Variants in TMEM232 observed in about 807,000 individuals in gnomAD.
The protein encoded by TMEM232 is transmembrane protein 232.
A neutral mutation model predicts 78.8 loss-of-function variants in TMEM232; 80 were observed. The observed-to-expected ratio is 1.01, with a 90% CI of 0.85 to 1.22. The LOEUF (loss-of-function observed/expected upper bound fraction) is 1.22. TMEM232 is among the 50% of genes most tolerant of loss of function. TMEM232 has a pLI of 0.00. For synonymous variants in TMEM232, 297 were observed against 254.3 expected, an observed-to-expected ratio of 1.17 and a Z score of -1.60; for missense variants, 881 against 742.2, an observed-to-expected ratio of 1.19 and a Z score of -2.17.
chr5:110,658,644 T>C (rs1331474321), intron 2 of TMEM232, among the ~76,000 whole-genome samples: 1 of 152,134 alleles, frequency 6.6e-6, no homozygotes, highest in African/African-American at 2.4e-5. Flanking sequence ...CTTTTCAAGG[T>C]TGTCTGTAAG....
At chr5:110,406,120 T>G (rs1755780241) in intron 2 of TMEM232, among the ~76,000 whole-genome samples, 1 of 151,970 alleles carries the variant, frequency 6.6e-6, no homozygotes, top group South Asian at 2.1e-4. Flanking sequence ...GAATGGCTGA[T>G]TCATCTAAAT....
chr5:110,687,563 T>C (rs959789658), intron 1 of TMEM232, among the ~76,000 whole-genome samples: 2 of 152,136 alleles, frequency 1.3e-5, no homozygotes, highest in African/African-American at 4.8e-5. Context: ...TCCAAACTCA[T>C]AGGGACTATC....
intron 10 of TMEM232, among the ~76,000 whole-genome samples, chr5:110,580,911 A>G (rs895318638): frequency 6.6e-6 from 1 of 151,818 alleles, no homozygotes; most frequent in Non-Finnish European, 1.5e-5. Flanking sequence ...AATCCCATTT[A>G]CAATAGCCAC....
At chr5:110,680,760 C>G (rs114437150) in intron 1 of TMEM232, among the ~76,000 whole-genome samples, 2 of 151,766 alleles carry the variant, frequency 1.3e-5, no homozygotes, top group African/African-American at 4.8e-5. Context: ...AATAACTGCA[C>G]TGACATTAAC....
chr5:110,476,391 TC>T (rs1443055379), intron 12 of TMEM232, among the ~76,000 whole-genome samples: 1 of 151,880 alleles, frequency 6.6e-6, no homozygotes, highest in Non-Finnish European at 1.5e-5. Context: ...ATTTTACAAG[TC>T]AAAGAAAAGG....
At chr5:110,681,553 C>A (rs1792749945) in intron 1 of TMEM232, among the ~76,000 whole-genome samples, 1 of 152,068 alleles carries the variant, frequency 6.6e-6, no homozygotes, top group Non-Finnish European at 1.5e-5. Flanking sequence ...TAGTTGAATG[C>A]GTGAGAGAGA....
intron 11 of TMEM232, among the ~76,000 whole-genome samples, chr5:110,550,541 T>A (rs1053090909): frequency 2.0e-4 from 31 of 151,934 alleles, no homozygotes; most frequent in African/African-American, 6.5e-4. Context: ...GGTAAAAAAT[T>A]AACACACAAA....
chr5:110,687,552 A>C (rs117285305), intron 1 of TMEM232, among the ~76,000 whole-genome samples: 3,683 of 152,264 alleles, frequency 0.024, 46 homozygotes, highest in African/African-American at 0.032. Context: ...ATAAAATAAA[A>C]TCCAAACTCA....
rs139483580 is a variant in TMEM232 at position 110,529,582 on chromosome 5, G to A, written c.1456-747C>T. On this transcript the variant is annotated intron_variant, in intron 11 of 13. Coordinates refer to ENST00000455884, the MANE Select transcript of TMEM232 (RefSeq NM_001039763.4). The stretch of plus-strand genomic sequence containing the variant: ...TTTTTATAGAGCAAAAATTTTAAGT[G>A]AAAAGCAAATAAGAGCTTTGTATTT... 3.3e-5 allele frequency among the ~76,000 whole-genome samples: 5 copies of A among 152,148 alleles called. No homozygotes were observed. The East Asian group carries it at 9.6e-4, about 29-fold the overall frequency.
rs142273896 is a variant in TMEM232, at chr5:110,537,679, T to C, written c.1456-8844A>G. On this transcript the variant is annotated intron_variant, in intron 11 of 13. Transcript: ENST00000455884. ...TCCCCCTCACACTCAAAGGAGAACA[T>C]CGTATTAACTCTCCCTGCAGCCCTG... 1.6e-3 allele frequency among the ~76,000 whole-genome samples: 250 copies of C among 152,270 alleles called. 5 individuals are homozygous for C. In the East Asian group the frequency reaches 0.035, roughly 21 times the overall value.
intron 10 of TMEM232, among the ~76,000 whole-genome samples, chr5:110,576,750 T>G (rs1424578143): frequency 6.6e-6 from 1 of 152,122 alleles, no homozygotes; most frequent in Admixed American, 6.6e-5. Flanking sequence ...AATTATCTTA[T>G]CTTCAGTAAA....
At chr5:110,655,945 T>C (rs1434814628) in intron 2 of TMEM232, among the ~76,000 whole-genome samples, 1 of 146,174 alleles carries the variant, frequency 6.8e-6, no homozygotes, top group Admixed American at 6.8e-5. Flanking sequence ...TTAGGAGATA[T>C]ACCTAATGCT....
Position 110,525,965 on chromosome 5 carries a change from G to A in TMEM232, c.1703+2623C>T, listed in dbSNP as rs552984561. On this transcript the variant is annotated intron_variant, in intron 12 of 13. Coordinates refer to ENST00000455884, the MANE Select transcript of TMEM232 (RefSeq NM_001039763.4). ...AAATTGTTAAGGGAAGATGGATGACGCAATAAATATTTTTGAGACAAGTGA... is the reference window on the plus strand; with the variant it reads ...AAATTGTTAAGGGAAGATGGATGACACAATAAATATTTTTGAGACAAGTGA... Among the ~76,000 whole-genome samples, 22 of 129,348 alleles carry A rather than the reference G, an allele frequency of 1.7e-4. No individual in the cohort carries two copies. In the South Asian group the frequency reaches 3.2e-3, roughly 19 times the overall value. 84.9% of individuals were successfully genotyped at this position (129,348 alleles called of 152,430 possible).
rs568529936 is a variant in TMEM232, at chr5:110,617,377, T to TA, written c.902+1051dup. Among the ~76,000 whole-genome samples, 81 of 151,016 alleles carry TA rather than the reference T, an allele frequency of 5.4e-4. 1 individual carries two copies. The South Asian group carries it at 0.014, about 26-fold the overall frequency. ...CTATTGTGCAGCATTGTGACTATGG[T>TA]AAAAAAAATATATTTTGAAATTGCT... On this transcript the variant is annotated intron_variant, in intron 8 of 13. Coordinates refer to ENST00000455884, the MANE Select transcript of TMEM232 (RefSeq NM_001039763.4).
Position 110,610,233 on chromosome 5 carries a change from A to AG in TMEM232, c.903-3947dup, listed in dbSNP as rs1443317909. ...AAGGAAGGAAGGGAGGGAGGGAAAA[A>AG]GAAAGGAAGGAAGGGAGGAAGGGAG... is the stretch of plus-strand genomic sequence containing the variant. On this transcript the variant is annotated intron_variant, in intron 8 of 13. Coordinates refer to ENST00000455884, the MANE Select transcript of TMEM232 (RefSeq NM_001039763.4). 1.7e-3 allele frequency among the ~76,000 whole-genome samples: 42 copies of AG among 24,100 alleles called. 2 individuals are homozygous for AG. The highest frequency in any genetic ancestry group is 3.5e-3 in the African/African-American group (39 of 11,126). The allele number at this position is 24,100 out of a possible 152,430, so 15.8% of individuals were successfully genotyped here.
intron 10 of TMEM232, among the ~76,000 whole-genome samples, chr5:110,599,369 G>C (rs912614934): frequency 1.3e-5 from 2 of 152,076 alleles, no homozygotes; most frequent in Non-Finnish European, 2.9e-5. Flanking sequence ...AAAAGACACC[G>C]ACTAGAAAAC....
At chr5:110,668,625 G>C (rs1790924562) in intron 1 of TMEM232, among the ~76,000 whole-genome samples, 1 of 152,098 alleles carries the variant, frequency 6.6e-6, no homozygotes, top group African/African-American at 2.4e-5. Flanking sequence ...GCACCAAGCA[G>C]ACCTAATAGA....
At chr5:110,708,390 CAT>C (rs1280879700) in intron 1 of TMEM232, among the ~76,000 whole-genome samples, 1 of 152,134 alleles carries the variant, frequency 6.6e-6, no homozygotes, top group African/African-American at 2.4e-5. Flanking sequence ...AATAAGAAAT[CAT>C]GTGAAGGCAC....
chr5:110,611,184 G>A (rs1379078242), intron 8 of TMEM232, among the ~76,000 whole-genome samples: 2 of 152,118 alleles, frequency 1.3e-5, no homozygotes, highest in Non-Finnish European at 2.9e-5. Flanking sequence ...AACAGACTAG[G>A]AAGGGGAGAA....
Sources: gnomAD v4.1 joint callset for allele counts (sites outside exome capture counted in the v4.1 genomes callset) on GRCh38, gnomAD v4.1.1 for gene constraint, MANE v1.5 for transcripts, NCBI Gene and HGNC (gene_info 2026-07-23, HGNC 2026-07-21) for gene names.